Variants in RPL6 observed in about 807,000 individuals in gnomAD.
RPL6 encodes the protein ribosomal protein L6, also known as large ribosomal subunit protein eL6.
RPL6 carries 1 observed loss-of-function variant against 32.1 expected under a neutral mutation model. The ratio of observed to expected loss-of-function variants is 0.03; its 90% CI spans 0.01 to 0.15. The LOEUF (loss-of-function observed/expected upper bound fraction) is 0.15. Ranked by LOEUF, RPL6 falls within the 10% of genes least tolerant of loss-of-function variation. RPL6 has a pLI of 1.00. For missense variants in RPL6, 275 were observed against 354.6 expected (o/e 0.78, Z 1.80); for synonymous variants, 126 against 131.6 (o/e 0.96, Z 0.29).
Position 112,408,444 on chromosome 12 carries a change from C to T in RPL6, c.213G>A (p.Arg71=). 1.9e-6 allele frequency: 3 copies of T among 1,614,202 alleles called. No homozygotes were observed. Among genetic ancestry groups the T allele is most frequent in the Non-Finnish European group, 2.5e-6 (3 of 1,180,044 alleles). The part of the protein sequence containing the change: ...AMYSRKAMYK[R]KYSAAKSKVE... ...CCTTGGATTTAGCGGCTGAGTACTTCCTCTTGTACATGGCCTTTCTGGAAT... is the reference window on the plus strand; with the variant it reads ...CCTTGGATTTAGCGGCTGAGTACTTTCTCTTGTACATGGCCTTTCTGGAAT... Residue 71 remains arginine (R), a synonymous_variant, in exon 2 of 7, where the codon AGG becomes AGA. Coordinates refer to ENST00000202773, the MANE Select transcript of RPL6 (RefSeq NM_000970.6).
upstream of RPL6, among the ~76,000 whole-genome samples, chr12:112,412,153 C>G (rs970987265): frequency 5.3e-5 from 8 of 152,144 alleles, no homozygotes; most frequent in Non-Finnish European, 8.8e-5. Flanking sequence ...CATTCTCCTG[C>G]CTCAGCCTCC....
At chr12:112,407,137 AAG>A (rs771793553) in intron 3 of RPL6, 16 of 412,556 alleles carry the variant, frequency 3.9e-5, no homozygotes, top group Non-Finnish European at 6.5e-5. Context: ...AGCATCAAGC[AAG>A]TCACCTTTGC....
At chr12:112,418,782 C>G (rs1400390804) in exon 1 of RPL6, 1 of 434,868 alleles carries the variant, frequency 2.3e-6, no homozygotes, top group African/African-American at 2.1e-5. Context: ...CTGTGCGTGG[C>G]GCCTCCGCGG....
upstream of RPL6, among the ~76,000 whole-genome samples, chr12:112,412,125 C>T (rs532030944): frequency 1.3e-4 from 20 of 150,886 alleles, no homozygotes; most frequent in South Asian, 3.8e-3. Context: ...CTGCAACCTT[C>T]GCCTCCCGGG....
At position 112,406,736 on chromosome 12, in the gene RPL6, G is replaced by C; in HGVS notation, c.480+11C>G. On this transcript the variant is annotated intron_variant, in intron 4 of 6. Coordinates refer to ENST00000202773, the MANE Select transcript of RPL6 (RefSeq NM_000970.6). ...GCTGCAGTGAAGCGCCCCAAGCACA[G>C]GTACTCTCACCTTGCCCCTGTGGCG... 6.2e-7 allele frequency: 1 copy of C among 1,613,992 alleles called. No homozygotes were observed. The highest frequency in any genetic ancestry group is 8.5e-7 in the Non-Finnish European group (1 of 1,179,990).
intron 1 of RPL6, among the ~76,000 whole-genome samples, chr12:112,416,720 G>A (rs772276203): frequency 6.6e-6 from 1 of 152,140 alleles, no homozygotes; most frequent in East Asian, 1.9e-4. Flanking sequence ...CGAGTGACCC[G>A]CCTAGTTTTG....
intron 3 of RPL6, 76 bp downstream of exon 3, chr12:112,408,164 T>G: frequency 9.4e-7 from 1 of 1,065,382 alleles, no homozygotes; most frequent in Non-Finnish European, 1.4e-6. Context: ...AAACTTACAG[T>G]ATCTAAGTAT....
chr12:112,414,776 G>T (rs759045774), upstream of RPL6, among the ~76,000 whole-genome samples: 18 of 152,000 alleles, frequency 1.2e-4, no homozygotes, highest in Non-Finnish European at 2.5e-4. Flanking sequence ...GTGGTGGCAG[G>T]TACCTGTAGT....
Position 112,405,307 on chromosome 12 carries a change from T to G in RPL6, c.784A>C (p.Lys262Gln). 6.2e-7 allele frequency: 1 copy of G among 1,611,240 alleles called. No homozygotes were observed. The highest frequency in any genetic ancestry group is 2.2e-5 in the East Asian group (1 of 44,868). ...TAGCCCTGGAGCTGAGGAATAGCTT[T>G]GATTTTTGGTAAAATTTGTGAGTCC... is the stretch of plus-strand genomic sequence containing the variant. ...AVDSQILPKI[K>Q]AIPQLQGYLR... The change falls in exon 7 of 7, where the codon AAA (lysine) becomes CAA (glutamine). Residue 262 changes from lysine to glutamine, a missense_variant. Coordinates refer to ENST00000202773, the MANE Select transcript of RPL6 (RefSeq NM_000970.6).
upstream of RPL6, among the ~76,000 whole-genome samples, chr12:112,414,947 GC>G (rs2037387087): frequency 6.6e-6 from 1 of 151,884 alleles, no homozygotes; most frequent in Non-Finnish European, 1.5e-5. Context: ...TTAATTGGAT[GC>G]TTCCTATATG....
upstream of RPL6, among the ~76,000 whole-genome samples, chr12:112,415,224 A>G (rs2037391608): frequency 6.7e-6 from 1 of 148,566 alleles, no homozygotes; most frequent in Non-Finnish European, 1.5e-5. Flanking sequence ...GCTGGGTCAT[A>G]GAGAATGAAG....
intron 1 of RPL6, chr12:112,408,884 A>C (rs1486362824): frequency 2.6e-5 from 13 of 504,932 alleles, no homozygotes; most frequent in Non-Finnish European, 4.2e-5. Context: ...TGAGAATTTG[A>C]AACTACCTCA....
chr12:112,416,982 A>G (rs1204586099), intron 1 of RPL6, among the ~76,000 whole-genome samples: 1 of 152,248 alleles, frequency 6.6e-6, no homozygotes, highest in Non-Finnish European at 1.5e-5. Context: ...ATGGGCAAGC[A>G]TTAAAAAAAT....
In RPL6 at chr12:112,409,573, C is replaced by A; in HGVS notation, c.-1+14G>T. 1 of 398,590 alleles carries A rather than the reference C, an allele frequency of 2.5e-6. No individual in the cohort carries two copies. Among genetic ancestry groups the A allele is most frequent in the Non-Finnish European group, 4.4e-6 (1 of 226,082 alleles). 24.7% of individuals were successfully genotyped at this position (398,590 alleles called of 1,614,324 possible). A position where few individuals can be genotyped will look rare whatever the true frequency, so the allele number is the denominator to read the frequency against. ...CCTGAACTCAAGTCTTGCAGACAGG[C>A]CCGCGATTCTTACCTTGCAAGATGG... On this transcript the variant is annotated intron_variant, in intron 1 of 6. Coordinates refer to ENST00000202773, the MANE Select transcript of RPL6 (RefSeq NM_000970.6).
intron 4 of RPL6, 144 bp from the exon 5 acceptor site, chr12:112,406,486 C>A: frequency 1.2e-6 from 1 of 817,314 alleles, no homozygotes; most frequent in South Asian, 1.8e-5. Context: ...GCAACCACAG[C>A]AAGCTACTAA....
intron 1 of RPL6, chr12:112,409,354 C>T (rs967493289): frequency 2.2e-4 from 88 of 396,426 alleles, no homozygotes; most frequent in African/African-American, 1.7e-3. Flanking sequence ...GCCTCGTTCC[C>T]CCAGCCCAAG....
Position 112,405,534 on chromosome 12 carries a change from C to T in RPL6, c.715-158G>A, listed in dbSNP as rs77546309. 2.7e-3 allele frequency: 2,112 copies of T among 779,756 alleles called. 38 individuals are homozygous for T. In the African/African-American group the frequency reaches 0.033, roughly 12 times the overall value. 48.3% of individuals were successfully genotyped at this position (779,756 alleles called of 1,614,324 possible). ...CCTTTCCTTGGAATGCTGTGAAACA[C>T]AACCCATTTTTTAATGTAATAAAAG... is the stretch of plus-strand genomic sequence containing the variant. On this transcript the variant is annotated intron_variant, in intron 6 of 6. Transcript: ENST00000202773.
upstream of RPL6, chr12:112,410,258 G>T (rs149395723): frequency 7.8e-4 from 188 of 239,784 alleles, 1 homozygote; most frequent in Non-Finnish European, 1.1e-3. Flanking sequence ...GGTCTGGGCT[G>T]CAGTGCAGTG....
At chr12:112,409,989 G>A (rs1482749825), upstream of RPL6, among the ~76,000 whole-genome samples, 1 of 131,132 alleles carries the variant, frequency 7.6e-6, no homozygotes, top group Non-Finnish European at 1.6e-5. Flanking sequence ...CTAGGCAACA[G>A]AGCAAGATTC....
Sources: allele counts gnomAD v4.1 joint callset (sites outside exome capture counted in the v4.1 genomes callset), GRCh38; gene constraint gnomAD v4.1.1; transcripts MANE v1.5; gene names NCBI Gene and HGNC (gene_info 2026-07-23, HGNC 2026-07-21).